CDH20: variants seen among roughly 807,000 people sequenced by gnomAD.
CDH20 encodes the protein cadherin 20, also known as cadherin-20.
CDH20 carries 29 observed loss-of-function variants against 74.2 expected under a neutral mutation model. That is an observed-to-expected ratio of 0.39 (90% CI 0.29 to 0.53). The LOEUF (loss-of-function observed/expected upper bound fraction) is 0.53, where lower values mean the gene tolerates loss of function less well. Among genes scored for constraint, CDH20 ranks in the 20% least tolerant of loss-of-function variants. The pLI is 0.69. For synonymous variants in CDH20, 469 were observed against 405.4 expected (o/e 1.16, Z -1.88); for missense variants, 988 against 1,048.3 (o/e 0.94, Z 0.79).
chr18:61,363,963 C>T (rs1910779372), intron 1 of CDH20, among the ~76,000 whole-genome samples: 1 of 151,742 alleles, frequency 6.6e-6, no homozygotes, highest in African/African-American at 2.4e-5. Flanking sequence ...AAGCACTAGT[C>T]AAGCTCATCT....
chr18:61,336,791 C>T (rs1003775490), intron 1 of CDH20, among the ~76,000 whole-genome samples: 3 of 137,782 alleles, frequency 2.2e-5, no homozygotes, highest in East Asian at 2.2e-4. Flanking sequence ...GCTGCAGTGG[C>T]GAGAACATAA....
At chr18:61,359,693 A>T (rs1910624629) in intron 1 of CDH20, among the ~76,000 whole-genome samples, 1 of 152,208 alleles carries the variant, frequency 6.6e-6, no homozygotes, top group Admixed American at 6.5e-5. Flanking sequence ...AAGAGTCAAG[A>T]GCATTTGGAT....
intron 1 of CDH20, among the ~76,000 whole-genome samples, chr18:61,337,293 G>A (rs967438634): frequency 2.0e-5 from 3 of 151,892 alleles, no homozygotes; most frequent in Non-Finnish European, 4.4e-5. Flanking sequence ...TCGGATATGG[G>A]GAAAATTTCT....
chr18:61,474,529 T>G (rs1910298714), intron 1 of CDH20, among the ~76,000 whole-genome samples: 1 of 152,298 alleles, frequency 6.6e-6, no homozygotes, highest in South Asian at 2.1e-4. Context: ...AGGATCCCAG[T>G]CCCACCTGCT....
At chr18:61,339,137 A>C (rs1047084955) in intron 1 of CDH20, among the ~76,000 whole-genome samples, 2 of 152,080 alleles carry the variant, frequency 1.3e-5, no homozygotes, top group African/African-American at 4.8e-5. Context: ...GGGGTGAGAA[A>C]GTAGGAAATC....
chr18:61,425,969 T>C (rs944803755), intron 1 of CDH20, among the ~76,000 whole-genome samples: 1 of 152,216 alleles, frequency 6.6e-6, no homozygotes, highest in African/African-American at 2.4e-5. Flanking sequence ...TCACTCTTTT[T>C]GATGCTATTA....
chr18:61,358,555 T>C (rs958646507), intron 1 of CDH20, among the ~76,000 whole-genome samples: 1 of 152,190 alleles, frequency 6.6e-6, no homozygotes, highest in Non-Finnish European at 1.5e-5. Context: ...CTACATACAG[T>C]GCCTGGAAGA....
chr18:61,354,781 C>T (rs1910442820), intron 1 of CDH20, among the ~76,000 whole-genome samples: 2 of 152,052 alleles, frequency 1.3e-5, no homozygotes, highest in South Asian at 2.1e-4. Flanking sequence ...CTCAGCTTAT[C>T]CAGATCTTTA....
At chr18:61,464,600 G>A (rs777858371) in intron 1 of CDH20, among the ~76,000 whole-genome samples, 2 of 152,118 alleles carry the variant, frequency 1.3e-5, no homozygotes, top group Non-Finnish European at 2.9e-5. Context: ...ACCCCAGCAG[G>A]GTAGAGCTTG....
chr18:61,383,758 AT>A (rs1911510499), intron 1 of CDH20, among the ~76,000 whole-genome samples: 1 of 152,138 alleles, frequency 6.6e-6, no homozygotes, highest in Non-Finnish European at 1.5e-5. Context: ...AAAAAGAGTC[AT>A]TTTGTTTTTC....
chr18:61,464,018 C>T (rs75627307), intron 1 of CDH20, among the ~76,000 whole-genome samples: 4,917 of 152,150 alleles, frequency 0.032, 97 homozygotes, highest in Non-Finnish European at 0.05. Flanking sequence ...GCATGGAGCC[C>T]GGCAGATATT....
At chr18:61,491,994 C>A (rs145420160) in intron 2 of CDH20, among the ~76,000 whole-genome samples, 3 of 152,052 alleles carry the variant, frequency 2.0e-5, no homozygotes, top group African/African-American at 7.2e-5. Flanking sequence ...TGGGTGGACT[C>A]GCCACCTCTG....
chr18:61,336,212 T>C (rs558509400), intron 1 of CDH20, among the ~76,000 whole-genome samples: 19 of 152,336 alleles, frequency 1.2e-4, no homozygotes, highest in Admixed American at 5.9e-4. Flanking sequence ...GATCTAGCAT[T>C]GCTTGTCCTC....
chr18:61,409,062 AC>A (rs1912416187), intron 1 of CDH20, among the ~76,000 whole-genome samples: 1 of 152,208 alleles, frequency 6.6e-6, no homozygotes, highest in African/African-American at 2.4e-5. Context: ...ATTACAACTT[AC>A]CCCTTCCAGG....
At chr18:61,500,123 A>C (rs1262819537) in intron 3 of CDH20, among the ~76,000 whole-genome samples, 29 of 26,468 alleles carry the variant, frequency 1.1e-3, no homozygotes, top group Admixed American at 2.0e-3. Flanking sequence ...AAAAAAAAAA[A>C]AAAAAAAAAA....
At chr18:61,345,342 G>A (rs955210719) in intron 1 of CDH20, among the ~76,000 whole-genome samples, 12 of 152,122 alleles carry the variant, frequency 7.9e-5, no homozygotes, top group African/African-American at 2.9e-4. Flanking sequence ...GCTCTTGGTG[G>A]GATGGTTATT....
intron 4 of CDH20, among the ~76,000 whole-genome samples, chr18:61,501,778 G>A (rs1911391910): frequency 2.0e-5 from 3 of 152,152 alleles, no homozygotes; most frequent in Admixed American, 1.3e-4. Flanking sequence ...AAGGGCAAGG[G>A]GGAGAATGAA....
chr18:61,497,606 A>G (rs1911218490), intron 2 of CDH20, among the ~76,000 whole-genome samples: 1 of 152,114 alleles, frequency 6.6e-6, no homozygotes, highest in Non-Finnish European at 1.5e-5. Flanking sequence ...GGTTGGCCCC[A>G]TTTATGGCCT....
At chr18:61,485,074 A>C (rs1481828722) in intron 1 of CDH20, among the ~76,000 whole-genome samples, 1 of 152,158 alleles carries the variant, frequency 6.6e-6, no homozygotes, top group African/African-American at 2.4e-5. Flanking sequence ...CTTGATGGAG[A>C]AGGAATTCAT....
Sources: allele counts gnomAD v4.1 joint callset (sites outside exome capture counted in the v4.1 genomes callset), GRCh38; gene constraint gnomAD v4.1.1; transcripts MANE v1.5; gene names NCBI Gene and HGNC (gene_info 2026-07-23, HGNC 2026-07-21).